The following FSTL4 variants were observed in gnomAD, a reference collection of about 807,000 sequenced individuals.
The protein encoded by FSTL4 is follistatin-related protein 4.
A neutral mutation model predicts 78.2 loss-of-function variants in FSTL4; 28 were observed. The ratio of observed to expected loss-of-function variants is 0.36; its 90% CI spans 0.27 to 0.49. The LOEUF is 0.49. Among genes scored for constraint, FSTL4 ranks in the 20% least tolerant of loss-of-function variants. The pLI is 0.98. For synonymous variants in FSTL4, 422 were observed against 440.5 expected, an observed-to-expected ratio of 0.96 and a Z score of 0.53; for missense variants, 922 against 1,084.9, an observed-to-expected ratio of 0.85 and a Z score of 2.11.
intron 3 of FSTL4, among the ~76,000 whole-genome samples, chr5:133,473,786 G>A (rs1013703558): frequency 2.0e-5 from 3 of 152,144 alleles, no homozygotes; most frequent in African/African-American, 7.2e-5. Flanking sequence ...TTACAATCAT[G>A]GTAGAAGGCA....
intron 7 of FSTL4, among the ~76,000 whole-genome samples, chr5:133,245,877 T>G (rs1318843077): frequency 1.3e-5 from 2 of 152,240 alleles, no homozygotes; most frequent in Non-Finnish European, 2.9e-5. Flanking sequence ...GCTTGATGTT[T>G]GCAAGTCAGA....
At chr5:133,682,480 A>G in the FSTL4 span, among the ~76,000 whole-genome samples, 2 of 152,268 alleles carry the variant, frequency 1.3e-5, no homozygotes, top group Non-Finnish European at 2.9e-5. Flanking sequence ...GCTAAACTCC[A>G]ATGCTGGCAA....
intron 4 of FSTL4, among the ~76,000 whole-genome samples, chr5:133,320,239 C>T (rs554954764): frequency 8.5e-5 from 13 of 152,318 alleles, no homozygotes; most frequent in African/African-American, 2.9e-4. Context: ...CACAGCTGGC[C>T]TTGGCTTCCA....
rs1269194412 is a variant in FSTL4 at position 133,199,749 on chromosome 5, G to A, written c.1875C>T (p.Asp625=). 2 of 1,591,778 alleles carry A rather than the reference G, an allele frequency of 1.3e-6. No homozygotes were observed. The highest frequency in any genetic ancestry group is 1.1e-5 in the South Asian group (1 of 88,680). ...NKSDPAVHKV[D]LETMMPLKTI... is the part of the protein sequence containing the mutation. ...TCTTGAGGGGCATCATTGTTTCCAG[G>A]TCCACCTTGTGGACTGCAGGATCAG... Residue 625 remains aspartate, a synonymous_variant, in exon 16 of 16, where the codon GAC becomes GAT. Coordinates refer to ENST00000265342, the MANE Select transcript of FSTL4 (RefSeq NM_015082.2). The surrounding 1 kb of genome is among the most constrained non-coding windows in gnomAD (Gnocchi z 4.4).
chr5:133,754,654 T>C, the FSTL4 span, among the ~76,000 whole-genome samples: 4,357 of 152,304 alleles, frequency 0.029, 218 homozygotes, highest in African/African-American at 0.099. Context: ...AAACCCACTA[T>C]GTCTGCATTC....
chr5:133,816,456 G>GA, the FSTL4 span, among the ~76,000 whole-genome samples: 1 of 152,166 alleles, frequency 6.6e-6, no homozygotes, highest in East Asian at 1.9e-4. Flanking sequence ...TCCTAGAGAT[G>GA]AAAAGCCCAG....
At chr5:133,343,286 T>C (rs554235718) in intron 4 of FSTL4, among the ~76,000 whole-genome samples, 1 of 152,298 alleles carries the variant, frequency 6.6e-6, no homozygotes, top group Admixed American at 6.5e-5. Context: ...AATGTCTCCT[T>C]AGGGCCACTA....
At chr5:133,468,389 T>C (rs1400367820) in intron 3 of FSTL4, among the ~76,000 whole-genome samples, 4 of 152,226 alleles carry the variant, frequency 2.6e-5, no homozygotes, top group Non-Finnish European at 4.4e-5. Flanking sequence ...ATGTGGTTTG[T>C]GGCTGTCTGT....
At chr5:133,344,579 T>C (rs1321560470) in intron 4 of FSTL4, among the ~76,000 whole-genome samples, 1 of 151,982 alleles carries the variant, frequency 6.6e-6, no homozygotes, top group Non-Finnish European at 1.5e-5. Flanking sequence ...AATCGTGACA[T>C]ATTTTAGTTT....
At chr5:133,672,616 T>G in the FSTL4 span, among the ~76,000 whole-genome samples, 1 of 152,132 alleles carries the variant, frequency 6.6e-6, no homozygotes, top group African/African-American at 2.4e-5. Flanking sequence ...AGACAACAAA[T>G]CAATGCAATT....
At chr5:133,563,654 C>T (rs1369422071) in intron 3 of FSTL4, among the ~76,000 whole-genome samples, 1 of 152,248 alleles carries the variant, frequency 6.6e-6, no homozygotes, top group Non-Finnish European at 1.5e-5. Flanking sequence ...TCTGAGGAAG[C>T]TCTGCCTCTT....
chr5:133,738,149 C>T, the FSTL4 span, among the ~76,000 whole-genome samples: 1,695 of 152,224 alleles, frequency 0.011, 30 homozygotes, highest in African/African-American at 0.039. Flanking sequence ...TGTAAAGAAT[C>T]GCTGGACTTC....
upstream of FSTL4, among the ~76,000 whole-genome samples, chr5:133,615,686 A>G (rs143023755): frequency 6.6e-5 from 10 of 152,358 alleles, no homozygotes; most frequent in East Asian, 1.7e-3. Context: ...TAATTCATTA[A>G]TCACCTAGAA....
In FSTL4 at chr5:133,225,692, G is replaced by A; in HGVS notation, c.1143C>T (p.Val381=). 6.2e-7 allele frequency: 1 copy of A among 1,610,568 alleles called. No individual in the cohort carries two copies. Among genetic ancestry groups the A allele is most frequent in the Non-Finnish European group, 8.5e-7 (1 of 1,178,356 alleles). Residue 381 remains valine (V), a synonymous_variant, in exon 9 of 16, where the codon GTC becomes GTT. Transcript: ENST00000265342. The surrounding 1 kb of genome is among the most constrained non-coding windows in gnomAD (Gnocchi z 4.6). ...RITWLKNGVD[V]STQMSKQLSL... Reference sequence around the variant, plus strand: ...AGAGCTGTTTGGACATCTGAGTTGAGACATCCACGCCGTTTTTCAGCCAAG... The same window carrying A: ...AGAGCTGTTTGGACATCTGAGTTGAAACATCCACGCCGTTTTTCAGCCAAG...
the FSTL4 span, among the ~76,000 whole-genome samples, chr5:133,781,365 TTGTGTGTGTGTGTGTGTGTGTGTGTG>T: frequency 1.1e-4 from 16 of 143,410 alleles, no homozygotes; most frequent in East Asian, 2.7e-3. Context: ...TGTTAAGCGG[TTGTGTGTGTGTGTGTGTGTGTGTGTG>T]TGTGTGTGTG....
chr5:133,734,716 A>C, the FSTL4 span, among the ~76,000 whole-genome samples: 57 of 152,230 alleles, frequency 3.7e-4, no homozygotes, highest in Admixed American at 3.7e-3. Flanking sequence ...ATTTGTATAC[A>C]TGTCTCATTT....
At chr5:133,835,897 C>T in the FSTL4 span, among the ~76,000 whole-genome samples, 2 of 152,104 alleles carry the variant, frequency 1.3e-5, no homozygotes, top group Admixed American at 1.3e-4. Flanking sequence ...TATTAGGTGC[C>T]TATAAATTTG....
chr5:133,372,610 GC>G (rs2126945008), intron 4 of FSTL4, among the ~76,000 whole-genome samples: 2 of 152,330 alleles, frequency 1.3e-5, no homozygotes, highest in East Asian at 3.9e-4. Context: ...TGGAGTGGGA[GC>G]CATAAAACCA....
chr5:133,434,716 C>G (rs1373526689), intron 3 of FSTL4, among the ~76,000 whole-genome samples: 1 of 152,068 alleles, frequency 6.6e-6, no homozygotes, highest in East Asian at 1.9e-4. Flanking sequence ...GAGTTGGTGC[C>G]ATTTTATATT....
Sources: allele counts gnomAD v4.1 joint callset (sites outside exome capture counted in the v4.1 genomes callset), GRCh38; gene constraint gnomAD v4.1.1; non-coding constraint Gnocchi (gnomAD v3.1); transcripts MANE v1.5; gene names NCBI Gene and HGNC (gene_info 2026-07-23, HGNC 2026-07-21).